MEF2C: variants seen among roughly 807,000 people sequenced by gnomAD.
MEF2C encodes the protein myocyte enhancer factor 2C.
A neutral mutation model predicts 50.5 loss-of-function variants in MEF2C; 6 were observed. That is an observed-to-expected ratio of 0.12 (90% CI 0.07 to 0.23). The LOEUF is 0.23. Ranked by LOEUF, MEF2C falls within the 10% of genes least tolerant of loss-of-function variation. The probability of loss-of-function intolerance (pLI) is 1.00; values close to 1 mark genes in which losing one functional copy is unlikely to be tolerated. For synonymous variants in MEF2C, 183 were observed against 228.0 expected (o/e 0.80, Z 1.78); for missense variants, 276 against 605.0 (o/e 0.46, Z 5.70).
intron 1 of MEF2C, among the ~76,000 whole-genome samples, chr5:88,856,318 A>G (rs547612388): frequency 6.6e-6 from 1 of 152,348 alleles, no homozygotes; most frequent in Admixed American, 6.5e-5. Flanking sequence ...ATTCACAAAA[A>G]TGTGGTTTGA....
At chr5:88,766,444 T>TA (rs1780086770) in intron 3 of MEF2C, among the ~76,000 whole-genome samples, 1 of 152,216 alleles carries the variant, frequency 6.6e-6, no homozygotes, top group Non-Finnish European at 1.5e-5. Context: ...ATCTCGTTAG[T>TA]AAAAAGAAAT....
intron 5 of MEF2C, chr5:88,749,473 A>C: frequency 2.0e-6 from 2 of 984,982 alleles, no homozygotes; most frequent in Non-Finnish European, 2.4e-6. Flanking sequence ...ATGACCTCAC[A>C]TTTGATGTTT....
intron 3 of MEF2C, among the ~76,000 whole-genome samples, chr5:88,776,172 TATG>T (rs1390180124): frequency 6.6e-6 from 1 of 152,128 alleles, no homozygotes; most frequent in African/African-American, 2.4e-5. Context: ...TGTTAACTGT[TATG>T]ATGAACTTTT....
intron 1 of MEF2C, chr5:88,838,690 C>G (rs1221967801): frequency 1.9e-5 from 19 of 985,094 alleles, no homozygotes; most frequent in Non-Finnish European, 2.3e-5. Flanking sequence ...CTGGTATGAC[C>G]CTGGCCATTA....
chr5:88,783,378 C>T (rs565060069), intron 3 of MEF2C, among the ~76,000 whole-genome samples: 2 of 152,136 alleles, frequency 1.3e-5, no homozygotes, highest in African/African-American at 4.8e-5. Context: ...CCTGTAATCC[C>T]AGCACTTTGG....
intron 7 of MEF2C, 118 bp from the exon 8 acceptor site, chr5:88,730,352 T>A: frequency 9.1e-7 from 1 of 1,103,786 alleles, no homozygotes; most frequent in Non-Finnish European, 1.3e-6. Flanking sequence ...TAAACAGTTT[T>A]AAAACCCAGA....
intron 3 of MEF2C, among the ~76,000 whole-genome samples, chr5:88,780,100 T>C (rs1471964979): frequency 1.3e-5 from 2 of 151,832 alleles, no homozygotes; most frequent in Non-Finnish European, 2.9e-5. Flanking sequence ...TGAGCTGACA[T>C]TGCATCATTG....
chr5:88,837,031 A>C (rs1815419638), intron 1 of MEF2C, among the ~76,000 whole-genome samples: 1 of 147,828 alleles, frequency 6.8e-6, no homozygotes, highest in Non-Finnish European at 1.5e-5. Context: ...AAAAGTCAGG[A>C]AATCAAATCA....
chr5:88,742,179 T>TC (rs1767140210), intron 6 of MEF2C: 2 of 985,076 alleles, frequency 2.0e-6, no homozygotes, highest in Admixed American at 6.2e-5. Flanking sequence ...TTTAACCAAA[T>TC]CCCCCCTTCA....
intron 2 of MEF2C, among the ~76,000 whole-genome samples, chr5:88,807,785 T>C (rs954855145): frequency 1.3e-5 from 2 of 152,198 alleles, no homozygotes; most frequent in East Asian, 1.9e-4. Flanking sequence ...TATTTGAAGA[T>C]GTTATTATGA....
chr5:88,822,755 G>T (rs1809003209), intron 2 of MEF2C, among the ~76,000 whole-genome samples: 1 of 151,956 alleles, frequency 6.6e-6, no homozygotes, highest in Non-Finnish European at 1.5e-5. Flanking sequence ...CAGTCTGGTG[G>T]TTGTCCCCAG....
intron 10 of MEF2C, among the ~76,000 whole-genome samples, chr5:88,724,601 T>C (rs1757827740): frequency 6.6e-6 from 1 of 152,162 alleles, no homozygotes; most frequent in Non-Finnish European, 1.5e-5. Flanking sequence ...CACCTGTTTA[T>C]ATTTGGAGCT....
chr5:88,844,883 G>C (rs1364225176), intron 1 of MEF2C, among the ~76,000 whole-genome samples: 1 of 152,206 alleles, frequency 6.6e-6, no homozygotes, highest in Non-Finnish European at 1.5e-5. Context: ...AAAATGTGCT[G>C]CTAAAGGTTA....
At chr5:88,742,234 A>T in intron 6 of MEF2C, 1 of 985,414 alleles carries the variant, frequency 1.0e-6, no homozygotes, top group East Asian at 1.1e-4. Context: ...ACTGATGATT[A>T]TGAAAAAAGC....
intron 3 of MEF2C, among the ~76,000 whole-genome samples, chr5:88,769,388 G>A (rs1458441285): frequency 6.6e-6 from 1 of 152,064 alleles, no homozygotes; most frequent in Non-Finnish European, 1.5e-5. Flanking sequence ...GCTTCCTCAG[G>A]ACAGATCAAG....
chr5:88,862,696 CAAAACAGTGGGTTGCAGGGG>C (rs1447123417), intron 1 of MEF2C, among the ~76,000 whole-genome samples: 2 of 152,142 alleles, frequency 1.3e-5, no homozygotes, highest in African/African-American at 4.8e-5. Flanking sequence ...TATCCCTTGT[CAAAACAGTGGGTTGCAGGGG>C]AGGACCCGGA....
intron 5 of MEF2C, chr5:88,750,283 A>T (rs1481014489): frequency 6.3e-6 from 1 of 159,634 alleles, no homozygotes; most frequent in Non-Finnish European, 1.3e-5. Flanking sequence ...GGCTCACTGC[A>T]GCCTCAACCT....
chr5:88,845,447 TTC>T (rs1315251935), intron 1 of MEF2C, among the ~76,000 whole-genome samples: 2 of 152,230 alleles, frequency 1.3e-5, no homozygotes, highest in Non-Finnish European at 2.9e-5. Flanking sequence ...TATGTGAAAT[TTC>T]TTTTTTGTAG....
chr5:88,793,469 G>C (rs977911012), intron 3 of MEF2C, among the ~76,000 whole-genome samples: 2 of 152,038 alleles, frequency 1.3e-5, no homozygotes, highest in Non-Finnish European at 2.9e-5. Flanking sequence ...GGTTATATCT[G>C]TATCTCCAGG....
Sources: allele counts gnomAD v4.1 joint callset (sites outside exome capture counted in the v4.1 genomes callset), GRCh38; gene constraint gnomAD v4.1.1; transcripts MANE v1.5; gene names NCBI Gene and HGNC (gene_info 2026-07-23, HGNC 2026-07-21).